The following CHST9 variants were observed in gnomAD, a reference collection of about 807,000 sequenced individuals.
CHST9 encodes carbohydrate sulfotransferase 9, also known as GalNAc-4-sulfotransferase 2.
In CHST9, 41 loss-of-function variants were observed where a neutral mutation model predicts 44.4. The ratio of observed to expected loss-of-function variants is 0.92; its 90% CI spans 0.72 to 1.20. The LOEUF (loss-of-function observed/expected upper bound fraction) is 1.20. CHST9 is among the 50% of genes most tolerant of loss of function. The pLI, the probability that CHST9 is intolerant of heterozygous loss-of-function variation, is 0.00. For missense variants in CHST9, 504 were observed against 516.5 expected (o/e 0.98, Z 0.23); for synonymous variants, 171 against 178.4 (o/e 0.96, Z 0.33).
intron 4 of CHST9, among the ~76,000 whole-genome samples, chr18:27,011,068 G>A (rs533096159): frequency 3.9e-5 from 6 of 152,268 alleles, no homozygotes; most frequent in African/African-American, 1.4e-4. Context: ...AGAAGCCCTG[G>A]CATGGAGATT....
At chr18:26,964,062 A>AG (rs2056433869) in intron 4 of CHST9, among the ~76,000 whole-genome samples, 1 of 152,252 alleles carries the variant, frequency 6.6e-6, no homozygotes, top group Non-Finnish European at 1.5e-5. Context: ...ATTAATTTAA[A>AG]GGAAAACCAC....
chr18:26,966,702 C>T (rs1478482546), intron 4 of CHST9, among the ~76,000 whole-genome samples: 1 of 152,126 alleles, frequency 6.6e-6, no homozygotes, highest in Non-Finnish European at 1.5e-5. Flanking sequence ...GTCATTCTTT[C>T]AGCTTCCTAG....
At chr18:27,025,166 T>C (rs1410482755) in intron 3 of CHST9, among the ~76,000 whole-genome samples, 2 of 148,236 alleles carry the variant, frequency 1.3e-5, no homozygotes, top group Non-Finnish European at 3.0e-5. Context: ...ATATATTATA[T>C]AATACACTTA....
chr18:26,950,662 G>A (rs2056233264), intron 4 of CHST9, among the ~76,000 whole-genome samples: 1 of 152,196 alleles, frequency 6.6e-6, no homozygotes, highest in African/African-American at 2.4e-5. Context: ...ATAAGTGGGA[G>A]CTAAGCTATG....
intron 2 of CHST9, among the ~76,000 whole-genome samples, chr18:27,051,110 T>C (rs927046238): frequency 8.5e-5 from 13 of 152,300 alleles, no homozygotes; most frequent in African/African-American, 3.1e-4. Context: ...AGGTTGATCC[T>C]TAAGAAAATT....
intron 1 of CHST9, among the ~76,000 whole-genome samples, chr18:27,160,455 T>G (rs1191796277): frequency 2.6e-5 from 4 of 152,166 alleles, no homozygotes; most frequent in African/African-American, 4.8e-5. Context: ...TCCCAGGGGT[T>G]AAGCCCACTT....
At chr18:27,161,165 T>A (rs994706734) in intron 1 of CHST9, among the ~76,000 whole-genome samples, 3 of 152,158 alleles carry the variant, frequency 2.0e-5, no homozygotes, top group Admixed American at 2.0e-4. Context: ...TTTGAATGTG[T>A]TTGCTCTTGC....
At chr18:26,961,429 C>CTT (rs1234306378) in intron 4 of CHST9, among the ~76,000 whole-genome samples, 140 of 145,236 alleles carry the variant, frequency 9.6e-4, no homozygotes, top group African/African-American at 3.1e-3. Flanking sequence ...CATCTGTTTC[C>CTT]TTTTTTTTTT....
At chr18:27,086,277 G>A (rs971200099) in intron 2 of CHST9, among the ~76,000 whole-genome samples, 2 of 152,114 alleles carry the variant, frequency 1.3e-5, no homozygotes, top group African/African-American at 4.8e-5. Context: ...AAGTTGGAAA[G>A]AAAAATATAT....
At chr18:27,079,042 G>A (rs1318862882) in intron 2 of CHST9, among the ~76,000 whole-genome samples, 1 of 152,086 alleles carries the variant, frequency 6.6e-6, no homozygotes, top group Non-Finnish European at 1.5e-5. Context: ...GGTCCCACAG[G>A]TATTTGTCTC....
At chr18:27,109,999 C>A (rs762024579) in intron 2 of CHST9, among the ~76,000 whole-genome samples, 3 of 152,114 alleles carry the variant, frequency 2.0e-5, no homozygotes, top group Admixed American at 6.6e-5. Context: ...AGAGTTGAGT[C>A]ATTTATTACC....
intron 2 of CHST9, among the ~76,000 whole-genome samples, chr18:27,141,478 CT>C (rs1485533056): frequency 6.6e-6 from 1 of 150,890 alleles, no homozygotes; most frequent in African/African-American, 2.4e-5. Flanking sequence ...GTAGACCCAG[CT>C]ACTTGGGAGG....
At chr18:27,183,936 T>C (rs1243947797) in intron 1 of CHST9, among the ~76,000 whole-genome samples, 3 of 152,054 alleles carry the variant, frequency 2.0e-5, no homozygotes, top group African/African-American at 7.2e-5. Flanking sequence ...CTAAATATGG[T>C]CACAATGCAT....
intron 2 of CHST9, among the ~76,000 whole-genome samples, chr18:27,109,151 T>C (rs933254588): frequency 1.3e-5 from 2 of 152,222 alleles, no homozygotes; most frequent in Non-Finnish European, 2.9e-5. Context: ...GCAAGACTTA[T>C]GTAGAAAATA....
At chr18:27,110,554 A>G (rs190451149) in intron 2 of CHST9, among the ~76,000 whole-genome samples, 20 of 152,288 alleles carry the variant, frequency 1.3e-4, no homozygotes, top group South Asian at 6.2e-4. Context: ...CTTACTTTAC[A>G]AAGATTATAG....
chr18:27,179,051 C>T (rs6508478), intron 1 of CHST9, among the ~76,000 whole-genome samples: 107,117 of 151,116 alleles, frequency 0.71, 38,127 homozygotes, highest in East Asian at 0.77. Flanking sequence ...TATACATATA[C>T]GTACATGCAT....
chr18:27,057,502 T>C (rs1318043643), intron 2 of CHST9, among the ~76,000 whole-genome samples: 1 of 152,250 alleles, frequency 6.6e-6, no homozygotes, highest in Admixed American at 6.5e-5. Context: ...GAATCCTCTC[T>C]GCCCTCCTGC....
intron 3 of CHST9, among the ~76,000 whole-genome samples, chr18:27,034,848 A>G (rs1038725191): frequency 1.3e-5 from 2 of 152,200 alleles, no homozygotes; most frequent in African/African-American, 4.8e-5. Context: ...TAGACTGATG[A>G]ATGTGTGTGT....
intron 1 of CHST9, among the ~76,000 whole-genome samples, chr18:27,182,702 G>C (rs1474697435): frequency 6.6e-6 from 1 of 152,148 alleles, no homozygotes; most frequent in Non-Finnish European, 1.5e-5. Flanking sequence ...TTGCTTTATT[G>C]ATGACATCAA....
Sources: allele counts gnomAD v4.1 joint callset (sites outside exome capture counted in the v4.1 genomes callset), GRCh38; gene constraint gnomAD v4.1.1; transcripts MANE v1.5; gene names NCBI Gene and HGNC (gene_info 2026-07-23, HGNC 2026-07-21).